The following FAAP100 variants were observed in gnomAD, a reference collection of about 807,000 sequenced individuals.
The protein encoded by FAAP100 is Fanconi anemia core complex-associated protein 100.
FAAP100 carries 46 observed loss-of-function variants against 65.8 expected under a neutral mutation model. The ratio of observed to expected loss-of-function variants is 0.70; its 90% CI spans 0.55 to 0.89. FAAP100 has a LOEUF of 0.89. Ranked by LOEUF, FAAP100 falls within the 40% of genes least tolerant of loss-of-function variation. FAAP100 has a pLI of 0.00. For synonymous variants in FAAP100, 663 were observed against 555.1 expected (o/e 1.19, Z -2.73); for missense variants, 1,165 against 1,196.7 (o/e 0.97, Z 0.39).
chr17:81,541,245 G>T, intron 8 of FAAP100, 64 bp downstream of exon 8: 2 of 1,488,160 alleles, frequency 1.3e-6, no homozygotes, highest in South Asian at 1.2e-5. Flanking sequence ...CTAGAGGGGG[G>T]CCTGGCGATG....
upstream of FAAP100, chr17:81,553,106 G>C (rs79691486): frequency 1.2e-5 from 2 of 163,410 alleles, no homozygotes; most frequent in Non-Finnish European, 2.7e-5. Context: ...CTGCAGTACG[G>C]ACACCTGCTC....
chr17:81,544,790 G>C (rs11867347), intron 6 of FAAP100, among the ~76,000 whole-genome samples: 2 of 152,210 alleles, frequency 1.3e-5, no homozygotes, highest in African/African-American at 4.8e-5. Flanking sequence ...CCGACCTGCC[G>C]GGCCACCAAC....
At position 81,540,943 on chromosome 17, in the gene FAAP100, A is replaced by G. The variant is rs2033070140; in HGVS notation, c.2522T>C (p.Leu841Pro). The change falls in exon 9 of 9, where the codon CTG becomes CCG. Residue 841 changes from leucine to proline, a missense_variant. Coordinates refer to ENST00000327787, the MANE Select transcript of FAAP100 (RefSeq NM_025161.6). Reference sequence around the variant, plus strand: ...GTCGCGCAGGGTCTGCACCTCCCGCAGCAGTGTCTGCAGGTGAAGCAGACA... The same window carrying G: ...GTCGCGCAGGGTCTGCACCTCCCGCGGCAGTGTCTGCAGGTGAAGCAGACA... ...RQIHANHETLLREVQTLRDRL... is the reference protein window; with the variant it reads ...RQIHANHETLPREVQTLRDRL... 3 of 1,585,596 alleles carry G rather than the reference A, an allele frequency of 1.9e-6. No homozygotes were observed. The highest frequency in any genetic ancestry group is 2.6e-6 in the Non-Finnish European group (3 of 1,169,370).
chr17:81,552,391 A>C, upstream of FAAP100: 1 of 1,297,330 alleles, frequency 7.7e-7, no homozygotes, highest in Non-Finnish European at 9.7e-7. Flanking sequence ...TCCGCCTCGG[A>C]GCGCTTTACG....
chr17:81,545,036 G>T (rs1331109898), intron 6 of FAAP100, among the ~76,000 whole-genome samples: 15 of 152,242 alleles, frequency 9.9e-5, no homozygotes, highest in Admixed American at 9.8e-4. Flanking sequence ...TGGGTGTGGT[G>T]GTGGGTGCCT....
At position 81,547,107 on chromosome 17, in the gene FAAP100, C is replaced by A; in HGVS notation, c.1975G>T (p.Ala659Ser). ...MLQCLRFPGL[A>S]PPHTRAPSPL... is the part of the protein sequence containing the mutation. ...GAGGGGGCCCGTGTGTGTGGCGGGG[C>A]CAGGCCAGGGAAGCGCAGACACTGC... The change falls in exon 5 of 9, where the codon GCC becomes TCC. Residue 659 changes from alanine (A) to serine (S), a missense_variant. Ala to Ser is a moderately conservative substitution (Grantham distance 99). Coordinates refer to ENST00000327787, the MANE Select transcript of FAAP100 (RefSeq NM_025161.6). 6.6e-7 allele frequency: 1 copy of A among 1,521,874 alleles called. No homozygotes were observed. The allele number at this position is 1,521,874 out of a possible 1,614,324, so 94.3% of individuals were successfully genotyped here. A position where few individuals can be genotyped will look rare whatever the true frequency, so the allele number is the denominator to read the frequency against.
chr17:81,551,883 G>C, intron 2 of FAAP100, 45 bp downstream of exon 2: 1 of 1,505,066 alleles, frequency 6.6e-7, no homozygotes, highest in Non-Finnish European at 8.8e-7. Flanking sequence ...AGCAGTCCGG[G>C]GGCAGCAGGA....
At chr17:81,541,215 ACT>A in intron 8 of FAAP100, 92 bp downstream of exon 8, 1 of 1,363,956 alleles carries the variant, frequency 7.3e-7, no homozygotes. Context: ...CGCTGTGAGG[ACT>A]CTGCGGACCC....
In FAAP100 at chr17:81,541,360, G is replaced by A. The variant is rs754112476; in HGVS notation, c.2463C>T (p.Ser821=). The A allele has an allele frequency of 1.4e-5, 23 of 1,611,646 alleles. No homozygotes were observed. The highest frequency in any genetic ancestry group is 3.3e-4 in the Middle Eastern group (2 of 6,016). The change falls in exon 8 of 9, where the codon AGC becomes AGT. Residue 821 remains serine, a synonymous_variant. Coordinates refer to ENST00000327787, the MANE Select transcript of FAAP100 (RefSeq NM_025161.6). ...MVTEQATQGS[S]APDLRVQYLR... ...GGTACTGCACACGGAGATCAGGAGC[G>A]CTGGAGCCCTGGGTGGCCTGCTCTG...
upstream of FAAP100, among the ~76,000 whole-genome samples, chr17:81,552,611 C>T (rs1049230636): frequency 6.6e-6 from 1 of 152,320 alleles, no homozygotes; most frequent in African/African-American, 2.4e-5. Context: ...CTTCATGGCC[C>T]CGGCTGCTGC....
chr17:81,542,906 C>G (rs903388616), intron 7 of FAAP100, among the ~76,000 whole-genome samples: 4 of 152,232 alleles, frequency 2.6e-5, no homozygotes, highest in Non-Finnish European at 2.9e-5. Flanking sequence ...TTTCCTCTGA[C>G]AGGCAACACC....
At chr17:81,543,724 G>T (rs2033197638) in intron 7 of FAAP100, among the ~76,000 whole-genome samples, 1 of 152,136 alleles carries the variant, frequency 6.6e-6, no homozygotes, top group South Asian at 2.1e-4. Context: ...GAAACCCACT[G>T]GCCTTGTAGC....
chr17:81,544,588 A>C (rs919758244), intron 6 of FAAP100, among the ~76,000 whole-genome samples: 3 of 152,214 alleles, frequency 2.0e-5, no homozygotes, highest in African/African-American at 4.8e-5. Context: ...TGCTGGGCCT[A>C]TCTATGGGAC....
chr17:81,541,769 G>C (rs1403120530), intron 7 of FAAP100, among the ~76,000 whole-genome samples: 3 of 152,146 alleles, frequency 2.0e-5, no homozygotes, highest in South Asian at 4.1e-4. Context: ...ACCAGCCAGG[G>C]AGCTGCCTCG....
intron 4 of FAAP100, chr17:81,548,211 C>A (rs979991246): frequency 1.7e-6 from 1 of 583,922 alleles, no homozygotes; most frequent in Non-Finnish European, 3.1e-6. Context: ...GGGGAGGCTG[C>A]GCGCACTCAG....
At chr17:81,549,074 GA>G in intron 4 of FAAP100, 131 bp downstream of exon 4, 2 of 293,790 alleles carry the variant, frequency 6.8e-6, no homozygotes, top group Non-Finnish European at 5.5e-6. Context: ...AAAAAAAAAA[GA>G]GGCCAAGTAA....
In FAAP100 at chr17:81,542,227, ATATAT is replaced by A. The variant is rs1406153174; in HGVS notation, c.2428-837_2428-833del. On this transcript the variant is annotated intron_variant, in intron 7 of 8. Coordinates refer to ENST00000327787, the MANE Select transcript of FAAP100 (RefSeq NM_025161.6). ...TATATATATATATATATATATATAT[ATATAT>A]ATGAAATCAGCCAGGCGTGGTGACA... Among the ~76,000 whole-genome samples, 620 of 96,814 alleles carry A rather than the reference ATATAT, an allele frequency of 6.4e-3. 19 individuals carry two copies. Among genetic ancestry groups the A allele is most frequent in the African/African-American group, 0.028 (480 of 16,934 alleles). 63.5% of individuals were successfully genotyped at this position (96,814 alleles called of 152,430 possible). A position where few individuals can be genotyped will look rare whatever the true frequency, so the allele number is the denominator to read the frequency against.
Position 81,551,899 on chromosome 17 carries a change from C to CGGGA in FAAP100, c.290+25_290+28dup, listed in dbSNP as rs776976274. On this transcript the variant is annotated intron_variant, in intron 2 of 8. Coordinates refer to ENST00000327787, the MANE Select transcript of FAAP100 (RefSeq NM_025161.6). ...GCAGTCCGGGGGCAGCAGGAGTGTGCGGGAGGGAGGCCGCGGGCCCGCCCT... is the reference window on the plus strand; with the variant it reads ...GCAGTCCGGGGGCAGCAGGAGTGTGCGGGAGGGAGGGAGGCCGCGGGCCCGCCCT... 12 of 1,528,354 alleles carry CGGGA rather than the reference C, an allele frequency of 7.9e-6. No homozygotes were observed. In the Admixed American group the frequency reaches 7.9e-5, roughly 10 times the overall value. The allele number at this position is 1,528,354 out of a possible 1,614,324, so 94.7% of individuals were successfully genotyped here. A position where few individuals can be genotyped will look rare whatever the true frequency, so the allele number is the denominator to read the frequency against.
rs77650837 is a variant in FAAP100, at chr17:81,539,956, C to A, written c.*863G>T. ...CCTCACGGCTCCTACCCGCACTCATCGCGGACAGTGCCTGCAGCGGGAGCG... is the reference window on the plus strand; with the variant it reads ...CCTCACGGCTCCTACCCGCACTCATAGCGGACAGTGCCTGCAGCGGGAGCG... On this transcript the variant is annotated 3_prime_UTR_variant, in exon 9 of 9. Coordinates refer to ENST00000327787, the MANE Select transcript of FAAP100 (RefSeq NM_025161.6). The A allele has an allele frequency of 0.016, 6,378 of 398,804 alleles. 326 individuals are homozygous for A. Among genetic ancestry groups the A allele is most frequent in the African/African-American group, 0.12 (5,636 of 48,730 alleles). The allele number at this position is 398,804 out of a possible 1,614,324, so 24.7% of individuals were successfully genotyped here.
Sources: allele counts gnomAD v4.1 joint callset (sites outside exome capture counted in the v4.1 genomes callset), GRCh38; gene constraint gnomAD v4.1.1; transcripts MANE v1.5; gene names NCBI Gene and HGNC (gene_info 2026-07-23, HGNC 2026-07-21).